IL36A: variants seen among roughly 807,000 people sequenced by gnomAD.
IL36A encodes the protein interleukin-36 alpha.
IL36A carries 13 observed loss-of-function variants against 12.7 expected under a neutral mutation model. That is an observed-to-expected ratio of 1.02 (90% CI 0.67 to 1.63). The LOEUF (loss-of-function observed/expected upper bound fraction) is 1.63. IL36A is among the 40% of genes most tolerant of loss of function. IL36A has a pLI of 0.00. For synonymous variants in IL36A, 73 were observed against 71.9 expected (o/e 1.01, Z -0.08); for missense variants, 195 against 192.9 (o/e 1.01, Z -0.07).
chr2:113,008,189 T>G, downstream of IL36A: 1 of 702,186 alleles, frequency 1.4e-6, no homozygotes, highest in South Asian at 1.8e-5. Context: ...GTGACCTAAG[T>G]GCTGGACTGG....
Position 113,006,742 on chromosome 2 carries a change from G to A in IL36A, c.264+5G>A. 6.2e-7 allele frequency: 1 copy of A among 1,613,758 alleles called. No homozygotes were observed. On this transcript the variant is annotated splice_donor_5th_base_variant and intron_variant, in intron 3 of 3. Coordinates refer to ENST00000259211, the MANE Select transcript of IL36A (RefSeq NM_014440.3). The stretch of plus-strand genomic sequence containing the variant: ...CAGCCCACACTGCAGCTGAAGGTGA[G>A]TGTGGAAGACAGGTCCTGCCATTTA...
rs185471926 is a variant in IL36A, at chr2:113,006,666, C to T, written c.193C>T (p.Leu65=). Reference sequence around the variant, plus strand: ...GAAAGACAGAGGGAACCCCATCTACCTGGGCCTGAATGGACTCAATCTCTG... The same window carrying T: ...GAAAGACAGAGGGAACCCCATCTACTTGGGCCTGAATGGACTCAATCTCTG... ...LEKDRGNPIY[L]GLNGLNLCLM... Residue 65 remains leucine, a synonymous_variant, in exon 3 of 4, where the codon CTG becomes TTG. Coordinates refer to ENST00000259211, the MANE Select transcript of IL36A (RefSeq NM_014440.3). 2 of 1,614,146 alleles carry T rather than the reference C, an allele frequency of 1.2e-6. No homozygotes were observed. Among genetic ancestry groups the T allele is most frequent in the Admixed American group, 1.7e-5 (1 of 60,026 alleles).
intron 2 of IL36A, 29 bp downstream of exon 2, chr2:113,006,116 C>T: frequency 7.1e-7 from 1 of 1,411,874 alleles, no homozygotes; most frequent in Non-Finnish European, 1.0e-6. Context: ...TGAAAGGCAG[C>T]TCCTTTGGCC....
At chr2:113,007,626 C>T (rs967989484) in intron 3 of IL36A, among the ~76,000 whole-genome samples, 29 of 152,108 alleles carry the variant, frequency 1.9e-4, no homozygotes, top group African/African-American at 7.0e-4. Flanking sequence ...CATTAAAAAC[C>T]ATTAAAATTT....
downstream of IL36A, among the ~76,000 whole-genome samples, chr2:113,008,817 T>A (rs181937890): frequency 0.055 from 6,868 of 124,766 alleles, 183 homozygotes; most frequent in Non-Finnish European, 0.068. Context: ...TTTTTTTTTT[T>A]AAAAATTTTA....
chr2:113,006,679 G>T lies in IL36A; in HGVS notation c.206G>T (p.Gly69Val). ...AACCCCATCTACCTGGGCCTGAATGGACTCAATCTCTGCCTGATGTGTGCT... is the reference window on the plus strand; with the variant it reads ...AACCCCATCTACCTGGGCCTGAATGTACTCAATCTCTGCCTGATGTGTGCT... ...RGNPIYLGLNGLNLCLMCAKV... is the reference protein window; with the variant it reads ...RGNPIYLGLNVLNLCLMCAKV... Residue 69 changes from glycine (G) to valine (V), a missense_variant, in exon 3 of 4, where the codon GGA (glycine) becomes GTA (valine). Coordinates refer to ENST00000259211, the MANE Select transcript of IL36A (RefSeq NM_014440.3). The T allele has an allele frequency of 6.2e-7, 1 of 1,614,170 alleles. No homozygotes were observed. The highest frequency in any genetic ancestry group is 1.1e-5 in the South Asian group (1 of 91,088).
downstream of IL36A, among the ~76,000 whole-genome samples, chr2:113,009,455 AC>A (rs140750088): frequency 0.043 from 6,595 of 152,242 alleles, 478 homozygotes; most frequent in African/African-American, 0.15. Flanking sequence ...TGAAGCTTTC[AC>A]CTAAAGTGTT....
chr2:113,008,641 C>T (rs139819948), downstream of IL36A: 1 of 164,824 alleles, frequency 6.1e-6, no homozygotes, highest in Non-Finnish European at 1.3e-5. Flanking sequence ...GATGGAGTAT[C>T]AAGACCTTTT....
At chr2:113,010,382 T>C (rs1342327280), downstream of IL36A, among the ~76,000 whole-genome samples, 3 of 152,350 alleles carry the variant, frequency 2.0e-5, no homozygotes, top group Middle Eastern at 3.4e-3. Flanking sequence ...GAACTGTTTC[T>C]TCTCTGCCTT....
At chr2:113,006,936 C>T (rs1015099938) in intron 3 of IL36A, among the ~76,000 whole-genome samples, 199 bp downstream of exon 3, 2 of 152,092 alleles carry the variant, frequency 1.3e-5, no homozygotes, top group African/African-American at 4.8e-5. Context: ...TTTTAATTTA[C>T]AAAAATATTA....
chr2:113,006,091 A>AGTAGCCAC lies in IL36A; in HGVS notation c.124+6_124+13dup, dbSNP rs750529063. 18 of 1,585,372 alleles carry AGTAGCCAC rather than the reference A, an allele frequency of 1.1e-5. No homozygotes were observed. The highest frequency in any genetic ancestry group is 5.5e-5 in the South Asian group (5 of 90,452). On this transcript the variant is annotated splice_donor_region_variant and intron_variant, in intron 2 of 3. Transcript: ENST00000259211. ...AGGAAGGACCGTATGTCTCCAGGTG[A>AGTAGCCAC]GTAGCCACGGTCTGTGAAAGGCAGC...
In IL36A at chr2:113,005,869, A is replaced by G; in HGVS notation, c.-3A>G. 6.2e-7 allele frequency: 1 copy of G among 1,614,160 alleles called. No individual in the cohort carries two copies. The highest frequency in any genetic ancestry group is 8.5e-7 in the Non-Finnish European group (1 of 1,180,002). On this transcript the variant is annotated 5_prime_UTR_variant, in exon 1 of 4. Transcript: ENST00000259211. ...TTGGCAGTTCTGAAACAACACCACC[A>G]CAATGGAAAAAGGTAAAGATCCTCG...
At chr2:113,008,184 C>G, downstream of IL36A, 1 of 729,468 alleles carries the variant, frequency 1.4e-6, no homozygotes, top group South Asian at 1.7e-5. Context: ...ATGCAGTGAC[C>G]TAAGTGCTGG....
downstream of IL36A, among the ~76,000 whole-genome samples, chr2:113,009,648 C>G (rs1373281218): frequency 6.6e-6 from 1 of 152,256 alleles, no homozygotes; most frequent in East Asian, 1.9e-4. Flanking sequence ...TAAGAGGAAC[C>G]AGTAAGATTG....
intron 3 of IL36A, 57 bp downstream of exon 3, chr2:113,006,794 C>G: frequency 6.3e-7 from 1 of 1,580,286 alleles, no homozygotes; most frequent in Non-Finnish European, 8.7e-7. Flanking sequence ...ATTTCAGGAT[C>G]TTTTAAAAGA....
At chr2:113,008,682 G>A (rs1684682989), downstream of IL36A, 2 of 155,446 alleles carry the variant, frequency 1.3e-5, no homozygotes, top group African/African-American at 4.8e-5. Context: ...AGATATAAAT[G>A]TTCCATCAGA....
downstream of IL36A, among the ~76,000 whole-genome samples, chr2:113,009,866 A>G (rs1011974953): frequency 1.3e-5 from 2 of 152,260 alleles, no homozygotes; most frequent in African/African-American, 2.4e-5. Flanking sequence ...CTCACAAACC[A>G]TAAACTGACA....
At chr2:113,007,009 G>A (rs1390677296) in intron 3 of IL36A, among the ~76,000 whole-genome samples, 2 of 152,066 alleles carry the variant, frequency 1.3e-5, no homozygotes, top group African/African-American at 4.8e-5. Context: ...AATCAGCAAG[G>A]ACATTTTAGC....
downstream of IL36A, among the ~76,000 whole-genome samples, chr2:113,010,593 G>T (rs915942301): frequency 1.3e-5 from 2 of 152,126 alleles, no homozygotes; most frequent in African/African-American, 4.8e-5. Flanking sequence ...ATGTTTTCTG[G>T]AAGAAGCAAT....
Sources: gnomAD v4.1 joint callset for allele counts (sites outside exome capture counted in the v4.1 genomes callset) on GRCh38, gnomAD v4.1.1 for gene constraint, MANE v1.5 for transcripts, NCBI Gene and HGNC (gene_info 2026-07-23, HGNC 2026-07-21) for gene names.